Variants in CSGALNACT1 observed in about 807,000 individuals in gnomAD.
The protein encoded by CSGALNACT1 is beta4GalNAcT-1.
In CSGALNACT1, 52 loss-of-function variants were observed where a neutral mutation model predicts 51.0. That is an observed-to-expected ratio of 1.02 (90% CI 0.82 to 1.29). CSGALNACT1 has a LOEUF of 1.29. Among genes scored for constraint, CSGALNACT1 ranks in the 50% most tolerant of loss-of-function variants. The pLI is 0.00. For synonymous variants in CSGALNACT1, 341 were observed against 254.4 expected (o/e 1.34, Z -3.24); for missense variants, 935 against 679.2 (o/e 1.38, Z -4.19).
chr8:19,743,837 T>C (rs2064469063), intron 1 of CSGALNACT1, among the ~76,000 whole-genome samples: 1 of 152,242 alleles, frequency 6.6e-6, no homozygotes, highest in African/African-American at 2.4e-5. Context: ...AGATGATAAA[T>C]TTCTCCACAC....
At chr8:19,505,422 T>A (rs1301981803) in exon 4 of CSGALNACT1, 1 of 1,614,196 alleles carries the variant, frequency 6.2e-7, no homozygotes. Flanking sequence ...TGTGGCCAGC[T>A]TGACGCCAGC....
intron 1 of CSGALNACT1, among the ~76,000 whole-genome samples, chr8:19,665,769 G>A (rs2059130134): frequency 6.6e-6 from 1 of 152,164 alleles, no homozygotes; most frequent in Non-Finnish European, 1.5e-5. Context: ...ATTCATAATA[G>A]AAGGGTTTGG....
intron 1 of CSGALNACT1, among the ~76,000 whole-genome samples, chr8:19,631,393 G>A (rs1353371492): frequency 6.6e-6 from 1 of 152,116 alleles, no homozygotes; most frequent in African/African-American, 2.4e-5. Flanking sequence ...TCTAACAGGC[G>A]GGTCTCTTGG....
intron 3 of CSGALNACT1, among the ~76,000 whole-genome samples, chr8:19,554,430 A>C (rs1407555742): frequency 6.8e-6 from 1 of 147,512 alleles, no homozygotes; most frequent in Middle Eastern, 3.3e-3. Flanking sequence ...TCACCTTCTA[A>C]GTCAGGGACC....
At chr8:19,447,183 T>A (rs1414555831) in intron 5 of CSGALNACT1, among the ~76,000 whole-genome samples, 1 of 152,074 alleles carries the variant, frequency 6.6e-6, no homozygotes, top group African/African-American at 2.4e-5. Flanking sequence ...AAAAGCCAGG[T>A]TTCCTAAGCA....
Position 19,599,332 on chromosome 8 carries a change from G to A in CSGALNACT1, c.-416+2439C>T, listed in dbSNP as rs60474488. 8.1e-3 allele frequency among the ~76,000 whole-genome samples: 1,232 copies of A among 151,428 alleles called. 14 individuals carry two copies. Among genetic ancestry groups the A allele is most frequent in the African/African-American group, 0.028 (1,173 of 41,212 alleles). On this transcript the variant is annotated intron_variant, in intron 2 of 9. Transcript: ENST00000454498. ...AGCAGTGACAAGATACAAGGTGGCC[G>A]TAAAAATTGTGAGCAGAGGCCAAGC... is the stretch of plus-strand genomic sequence containing the variant.
chr8:19,666,877 G>GAAAGAAAA (rs1432063111), intron 1 of CSGALNACT1, among the ~76,000 whole-genome samples: 1 of 125,774 alleles, frequency 8.0e-6, no homozygotes, highest in Non-Finnish European at 1.7e-5. Flanking sequence ...AAGAAAGAAA[G>GAAAGAAAA]AAAGAAAGAG....
chr8:19,612,562 C>G (rs1301580418), intron 1 of CSGALNACT1, among the ~76,000 whole-genome samples: 1 of 152,014 alleles, frequency 6.6e-6, no homozygotes, highest in Non-Finnish European at 1.5e-5. Context: ...CCCTGTTCTG[C>G]TAGGCACTCT....
At chr8:19,699,324 A>T (rs1032492188) in intron 1 of CSGALNACT1, among the ~76,000 whole-genome samples, 1 of 152,244 alleles carries the variant, frequency 6.6e-6, no homozygotes, top group Non-Finnish European at 1.5e-5. Context: ...GATCTCAAAG[A>T]GATTTCTGTA....
rs911795614 is a variant in CSGALNACT1 at position 19,668,761 on chromosome 8, C to A, written c.-544+13712G>T. On this transcript the variant is annotated intron_variant, in intron 1 of 9. Coordinates refer to the CSGALNACT1 transcript ENST00000332246. The stretch of plus-strand genomic sequence containing the variant: ...GGAGATGGGGTCTCACCATGTTGCC[C>A]AGGCTGGTCTTGAACTCCTGACCTC... 2.0e-5 allele frequency among the ~76,000 whole-genome samples: 3 copies of A among 152,180 alleles called. No individual in the cohort carries two copies. The South Asian group carries it at 6.2e-4, about 31-fold the overall frequency.
chr8:19,440,589 T>C (rs1388043018), intron 5 of CSGALNACT1, among the ~76,000 whole-genome samples: 2 of 152,202 alleles, frequency 1.3e-5, no homozygotes, highest in Non-Finnish European at 2.9e-5. Context: ...GAGCTATCTA[T>C]GACAAACACA....
intron 4 of CSGALNACT1, among the ~76,000 whole-genome samples, chr8:19,503,524 G>A (rs1199313263): frequency 6.6e-6 from 1 of 152,038 alleles, no homozygotes; most frequent in Non-Finnish European, 1.5e-5. Flanking sequence ...TGCTCTGTAT[G>A]TGGGCAGCTC....
Position 19,436,413 on chromosome 8 carries a change from G to A in CSGALNACT1, c.953+3417C>T, listed in dbSNP as rs568971930. Among the ~76,000 whole-genome samples, 286 of 152,174 alleles carry A rather than the reference G, an allele frequency of 1.9e-3. 2 individuals are homozygous for A. Among genetic ancestry groups the A allele is most frequent in the Middle Eastern group, 3.4e-3 (1 of 294 alleles). On this transcript the variant is annotated intron_variant, in intron 6 of 9. Transcript: ENST00000454498. ...TGGCAGGGATCACAGCCTGAGTAACGACCTCATTAAGCCTCAGTGTCTTTA... is the reference window on the plus strand; with the variant it reads ...TGGCAGGGATCACAGCCTGAGTAACAACCTCATTAAGCCTCAGTGTCTTTA...
At chr8:19,689,145 G>A (rs1233110977) in intron 1 of CSGALNACT1, among the ~76,000 whole-genome samples, 1 of 152,184 alleles carries the variant, frequency 6.6e-6, no homozygotes, top group African/African-American at 2.4e-5. Flanking sequence ...GGGCCAAGGA[G>A]TACAGCACAG....
intron 4 of CSGALNACT1, among the ~76,000 whole-genome samples, chr8:19,470,575 C>T (rs997636864): frequency 6.6e-6 from 1 of 152,096 alleles, no homozygotes; most frequent in Non-Finnish European, 1.5e-5. Flanking sequence ...CACTGGGAAG[C>T]GAGTGGCGGA....
exon 10 of CSGALNACT1, chr8:19,405,895 T>C: frequency 6.2e-7 from 1 of 1,614,204 alleles, no homozygotes; most frequent in Non-Finnish European, 8.5e-7. Flanking sequence ...GGCCTTGGAC[T>C]GCATGCACAT....
chr8:19,573,951 G>C (rs2043593025), intron 3 of CSGALNACT1, among the ~76,000 whole-genome samples: 1 of 152,148 alleles, frequency 6.6e-6, no homozygotes, highest in African/African-American at 2.4e-5. Context: ...TAGAGAAAAA[G>C]TCTCTGTTAC....
At chr8:19,650,394 G>C (rs983369482) in intron 1 of CSGALNACT1, among the ~76,000 whole-genome samples, 2 of 152,160 alleles carry the variant, frequency 1.3e-5, no homozygotes, top group African/African-American at 2.4e-5. Context: ...ATTCAAAGTC[G>C]ATTTCAAAAG....
Position 19,562,484 on chromosome 8 carries a change from G to GAAA in CSGALNACT1, c.-297+28673_-297+28675dup, listed in dbSNP as rs71304936. On this transcript the variant is annotated intron_variant, in intron 3 of 9. Coordinates refer to ENST00000454498, the Ensembl canonical transcript of CSGALNACT1. ...GGTTCAATTAAACAGCTTCTGCACAGAAAAAAAAAAAAAACTACCATCAGA... is the reference window on the plus strand; with the variant it reads ...GGTTCAATTAAACAGCTTCTGCACAGAAAAAAAAAAAAAAAAACTACCATCAGA... 3.2e-3 allele frequency among the ~76,000 whole-genome samples: 412 copies of GAAA among 129,312 alleles called. 2 individuals carry two copies. Among genetic ancestry groups the GAAA allele is most frequent in the African/African-American group, 9.5e-3 (345 of 36,234 alleles). 84.8% of individuals were successfully genotyped at this position (129,312 alleles called of 152,430 possible).
Sources: gnomAD v4.1 joint callset for allele counts (sites outside exome capture counted in the v4.1 genomes callset) on GRCh38, gnomAD v4.1.1 for gene constraint, MANE v1.5 for transcripts, NCBI Gene and HGNC (gene_info 2026-07-23, HGNC 2026-07-21) for gene names.